Variants in KHDRBS2 observed in about 807,000 individuals in gnomAD.
The protein encoded by KHDRBS2 is KH domain-containing, RNA-binding, signal transduction-associated protein 2.
Under a neutral mutation model 44.3 loss-of-function variants are expected in KHDRBS2, and 26 were observed. The ratio of observed to expected loss-of-function variants is 0.59; its 90% CI spans 0.43 to 0.81. KHDRBS2 has a LOEUF of 0.81. KHDRBS2 is among the 40% of genes least tolerant of loss of function. The probability of loss-of-function intolerance (pLI) is 0.00; values close to 1 mark genes in which losing one functional copy is unlikely to be tolerated. For synonymous variants in KHDRBS2, 194 were observed against 151.1 expected, an observed-to-expected ratio of 1.28 and a Z score of -2.08; for missense variants, 476 against 433.1, an observed-to-expected ratio of 1.10 and a Z score of -0.88.
At chr6:61,591,984 T>G in the KHDRBS2 span, among the ~76,000 whole-genome samples, 1 of 151,762 alleles carries the variant, frequency 6.6e-6, no homozygotes, top group African/African-American at 2.4e-5. Context: ...AGCCAAGAAA[T>G]TCAAGAACAG....
intron 2 of KHDRBS2, among the ~76,000 whole-genome samples, chr6:62,051,052 C>CA (rs1475058172): frequency 6.6e-6 from 1 of 151,998 alleles, no homozygotes; most frequent in Non-Finnish European, 1.5e-5. Context: ...ATTCTAGCAG[C>CA]AAAAATAATA....
intron 6 of KHDRBS2, among the ~76,000 whole-genome samples, chr6:61,866,052 T>C (rs972201363): frequency 6.6e-6 from 1 of 152,336 alleles, no homozygotes; most frequent in African/African-American, 2.4e-5. Flanking sequence ...TCTACTATTC[T>C]GGGCTCTGGA....
At chr6:62,245,325 T>C (rs1483456953) in intron 1 of KHDRBS2, among the ~76,000 whole-genome samples, 1 of 152,134 alleles carries the variant, frequency 6.6e-6, no homozygotes, top group Non-Finnish European at 1.5e-5. Flanking sequence ...TTGAATGTTT[T>C]AACCCTACGT....
At chr6:61,943,709 A>C (rs143134620) in intron 4 of KHDRBS2, among the ~76,000 whole-genome samples, 1 of 152,204 alleles carries the variant, frequency 6.6e-6, no homozygotes, top group African/African-American at 2.4e-5. Context: ...AATAGTGAAG[A>C]GAAAACTTAT....
At chr6:61,775,326 C>T (rs540650835) in intron 6 of KHDRBS2, among the ~76,000 whole-genome samples, 45 of 152,056 alleles carry the variant, frequency 3.0e-4, no homozygotes, top group African/African-American at 1.0e-3. Context: ...AAAGGGTATT[C>T]AATTAGGAAA....
At chr6:61,568,590 C>T in the KHDRBS2 span, among the ~76,000 whole-genome samples, 1 of 151,082 alleles carries the variant, frequency 6.6e-6, no homozygotes, top group Non-Finnish European at 1.5e-5. Flanking sequence ...TGTGACTTCC[C>T]AAAATGTGAG....
At chr6:61,576,212 A>G in the KHDRBS2 span, among the ~76,000 whole-genome samples, 1 of 152,204 alleles carries the variant, frequency 6.6e-6, no homozygotes, top group South Asian at 2.1e-4. Context: ...CTTCCAATCT[A>G]TGAGTGTGAA....
chr6:61,930,216 A>G (rs1290420007), intron 4 of KHDRBS2, among the ~76,000 whole-genome samples: 1 of 152,140 alleles, frequency 6.6e-6, no homozygotes, highest in Non-Finnish European at 1.5e-5. Context: ...GCACCTTGAT[A>G]TTAAACTCCC....
At chr6:61,662,089 T>G in the KHDRBS2 span, among the ~76,000 whole-genome samples, 1 of 152,026 alleles carries the variant, frequency 6.6e-6, no homozygotes, top group East Asian at 2.0e-4. Flanking sequence ...TCAGAAATAA[T>G]GCTGCATATC....
At chr6:61,850,039 A>T (rs1187036645) in intron 6 of KHDRBS2, among the ~76,000 whole-genome samples, 16 of 152,164 alleles carry the variant, frequency 1.1e-4, no homozygotes, top group Non-Finnish European at 1.9e-4. Flanking sequence ...TCCTCAGAGT[A>T]GCAAATTAGT....
At chr6:61,807,788 G>A (rs1370186932) in intron 6 of KHDRBS2, among the ~76,000 whole-genome samples, 1 of 151,900 alleles carries the variant, frequency 6.6e-6, no homozygotes, top group Admixed American at 6.6e-5. Flanking sequence ...GTTTATCTAT[G>A]TAACAAAGCT....
At chr6:62,053,238 C>T (rs1368126058) in intron 2 of KHDRBS2, among the ~76,000 whole-genome samples, 6 of 151,666 alleles carry the variant, frequency 4.0e-5, no homozygotes, top group Admixed American at 3.3e-4. Flanking sequence ...TGTATCATTC[C>T]AATCTATGCA....
chr6:62,159,848 TAA>T (rs1310855952), intron 2 of KHDRBS2, among the ~76,000 whole-genome samples: 1 of 152,172 alleles, frequency 6.6e-6, no homozygotes, highest in Admixed American at 6.5e-5. Context: ...TGAATCATCA[TAA>T]AAGTCTTCAT....
At chr6:62,018,017 T>C (rs568150947) in intron 3 of KHDRBS2, among the ~76,000 whole-genome samples, 4 of 151,902 alleles carry the variant, frequency 2.6e-5, no homozygotes, top group Admixed American at 2.6e-4. Flanking sequence ...GATTTACATT[T>C]TTAGAATTAA....
the KHDRBS2 span, among the ~76,000 whole-genome samples, chr6:61,556,431 A>G: frequency 1.3e-5 from 2 of 152,220 alleles, no homozygotes; most frequent in Non-Finnish European, 2.9e-5. Context: ...GTTTTTCACA[A>G]TTCTAATTTT....
At chr6:62,175,095 T>C (rs1214595286) in intron 2 of KHDRBS2, among the ~76,000 whole-genome samples, 1 of 151,682 alleles carries the variant, frequency 6.6e-6, no homozygotes, top group Admixed American at 6.6e-5. Context: ...GTTTTCAAAA[T>C]ATTATGATTT....
At chr6:62,139,319 G>A (rs1330689353) in intron 2 of KHDRBS2, among the ~76,000 whole-genome samples, 18 of 152,118 alleles carry the variant, frequency 1.2e-4, no homozygotes, top group African/African-American at 3.9e-4. Flanking sequence ...TTGGGATGCC[G>A]AGGTAGGTGG....
intron 2 of KHDRBS2, among the ~76,000 whole-genome samples, chr6:62,054,176 C>A (rs1013224817): frequency 1.3e-5 from 2 of 151,958 alleles, no homozygotes; most frequent in South Asian, 4.1e-4. Flanking sequence ...ATTAGTTGGT[C>A]CTAAAATTTG....
chr6:62,284,433 T>G (rs1842197009), intron 1 of KHDRBS2, among the ~76,000 whole-genome samples: 5 of 152,156 alleles, frequency 3.3e-5, no homozygotes, highest in Admixed American at 3.3e-4. Flanking sequence ...TTAAATCATT[T>G]CAAACAATCT....
Sources: allele counts gnomAD v4.1 joint callset (sites outside exome capture counted in the v4.1 genomes callset), GRCh38; gene constraint gnomAD v4.1.1; transcripts MANE v1.5; gene names NCBI Gene and HGNC (gene_info 2026-07-23, HGNC 2026-07-21).